APBA2: variants seen among roughly 807,000 people sequenced by gnomAD.
APBA2 encodes the protein amyloid beta precursor protein binding family A member 2.
In APBA2, 30 loss-of-function variants were observed where a neutral mutation model predicts 75.0. The ratio of observed to expected loss-of-function variants is 0.40; its 90% CI spans 0.30 to 0.54. The LOEUF is 0.54. APBA2 is among the 20% of genes least tolerant of loss of function. The probability of loss-of-function intolerance (pLI) is 0.49; values close to 1 mark genes in which losing one functional copy is unlikely to be tolerated. For synonymous variants in APBA2, 444 were observed against 409.6 expected, an observed-to-expected ratio of 1.08 and a Z score of -1.01; for missense variants, 801 against 1,016.1, an observed-to-expected ratio of 0.79 and a Z score of 2.88.
intron 13 of APBA2, chr15:29,108,718 G>T (rs564012994): frequency 2.1e-6 from 1 of 475,536 alleles, no homozygotes; most frequent in Non-Finnish European, 3.9e-6. Flanking sequence ...ACCAATTGTG[G>T]CATCACTTAC....
chr15:28,977,641 G>T (rs1045259836), intron 2 of APBA2, among the ~76,000 whole-genome samples: 1 of 152,130 alleles, frequency 6.6e-6, no homozygotes, highest in Non-Finnish European at 1.5e-5. Context: ...GTTCCTCTGG[G>T]TGACCTCTGT....
At chr15:29,093,832 C>T (rs1235841168) in intron 7 of APBA2, among the ~76,000 whole-genome samples, 2 of 152,200 alleles carry the variant, frequency 1.3e-5, no homozygotes. Flanking sequence ...CTCCCCAGCC[C>T]TCACCATACA....
chr15:28,984,954 C>T (rs1302127208), intron 2 of APBA2, among the ~76,000 whole-genome samples: 2 of 151,832 alleles, frequency 1.3e-5, no homozygotes, highest in African/African-American at 2.4e-5. Flanking sequence ...TCCCCCTCCG[C>T]CAACCACTGC....
chr15:28,898,103 C>A (rs1374170738), intron 1 of APBA2, among the ~76,000 whole-genome samples: 1 of 152,130 alleles, frequency 6.6e-6, no homozygotes, highest in Non-Finnish European at 1.5e-5. Context: ...AAAGGATTCT[C>A]CCCTGGTGCC....
At chr15:28,979,282 G>A (rs1026417594) in intron 2 of APBA2, among the ~76,000 whole-genome samples, 2 of 152,056 alleles carry the variant, frequency 1.3e-5, no homozygotes, top group Admixed American at 1.3e-4. Flanking sequence ...CCCTCAAGCC[G>A]TATTCCTCAG....
intron 2 of APBA2, among the ~76,000 whole-genome samples, chr15:28,944,510 C>A (rs889923518): frequency 6.6e-6 from 1 of 152,224 alleles, no homozygotes; most frequent in African/African-American, 2.4e-5. Context: ...GACCACCCTG[C>A]GGACTCGCTC....
chr15:28,976,235 A>G (rs1056819189), intron 2 of APBA2, among the ~76,000 whole-genome samples: 1 of 152,250 alleles, frequency 6.6e-6, no homozygotes, highest in Non-Finnish European at 1.5e-5. Context: ...TCTGAAGAGC[A>G]GCTTGGGGCT....
At chr15:29,017,028 C>T (rs1419478370) in intron 3 of APBA2, among the ~76,000 whole-genome samples, 1 of 152,148 alleles carries the variant, frequency 6.6e-6, no homozygotes, top group African/African-American at 2.4e-5. Flanking sequence ...TGATGACAGG[C>T]AGGCAGCGCT....
chr15:29,117,225 G>T lies in APBA2; in HGVS notation c.*92G>T. Reference sequence around the variant, plus strand: ...GCCGGGCCGCAGACTTGACCCCGACGCCACAGCCCAGCCACGGACGCTGGC... The same window carrying T: ...GCCGGGCCGCAGACTTGACCCCGACTCCACAGCCCAGCCACGGACGCTGGC... On this transcript the variant is annotated 3_prime_UTR_variant, in exon 15 of 15. Transcript: ENST00000683413. 1 of 1,238,782 alleles carries T rather than the reference G, an allele frequency of 8.1e-7. No homozygotes were observed. Among genetic ancestry groups the T allele is most frequent in the Non-Finnish European group, 1.2e-6 (1 of 845,374 alleles). 76.7% of individuals were successfully genotyped at this position (1,238,782 alleles called of 1,614,324 possible).
In APBA2 at chr15:28,980,221, A is replaced by G. The variant is rs565958049; in HGVS notation, c.-94-15532A>G. ...TGGTCATGTAAGATTTGAAAAAGTG[A>G]ACCTTCCTGAGCCAGAGCAATCAGG... On this transcript the variant is annotated intron_variant, in intron 2 of 14. Transcript: ENST00000683413. 2.0e-5 allele frequency among the ~76,000 whole-genome samples: 3 copies of G among 152,320 alleles called. No individual in the cohort carries two copies. In the South Asian group the frequency reaches 6.2e-4, roughly 32 times the overall value.
chr15:28,891,099 C>A (rs1465601170), intron 1 of APBA2, among the ~76,000 whole-genome samples: 1 of 152,198 alleles, frequency 6.6e-6, no homozygotes, highest in Non-Finnish European at 1.5e-5. Context: ...AACACTCCAA[C>A]ATTTGAAGAT....
At chr15:29,017,357 CTCTTT>C (rs1226208326) in intron 3 of APBA2, among the ~76,000 whole-genome samples, 1 of 148,868 alleles carries the variant, frequency 6.7e-6, no homozygotes. Flanking sequence ...TTTGAAGTCT[CTCTTT>C]TCTTTCATAT....
intron 2 of APBA2, among the ~76,000 whole-genome samples, chr15:28,977,895 C>T (rs942287420): frequency 5.9e-5 from 9 of 152,130 alleles, no homozygotes; most frequent in South Asian, 2.1e-4. Flanking sequence ...TACCTATCTG[C>T]GCCCATCCTC....
intron 2 of APBA2, among the ~76,000 whole-genome samples, chr15:28,961,111 G>A (rs543866350): frequency 1.3e-5 from 2 of 152,214 alleles, no homozygotes; most frequent in Admixed American, 6.5e-5. Flanking sequence ...GAGTCACACC[G>A]GGAAGTGATT....
intron 4 of APBA2, among the ~76,000 whole-genome samples, chr15:29,069,795 T>C (rs895467502): frequency 2.0e-5 from 3 of 152,256 alleles, no homozygotes; most frequent in Admixed American, 2.0e-4. Context: ...GGCCTGGCCA[T>C]GTGGGCCCAC....
intron 2 of APBA2, among the ~76,000 whole-genome samples, chr15:28,971,203 T>C (rs151162107): frequency 2.5e-4 from 38 of 152,316 alleles, no homozygotes; most frequent in African/African-American, 8.9e-4. Flanking sequence ...TTCTATTTCT[T>C]TTCTGTCTGT....
In APBA2 at chr15:29,054,932, G is replaced by C. The variant is rs1413552131; in HGVS notation, c.951+97G>C. On this transcript the variant is annotated intron_variant, in intron 4 of 14. Transcript: ENST00000683413. The surrounding 1 kb of genome is among the most constrained non-coding windows in gnomAD (Gnocchi z 6.1). ...GCAGATGCTGAAGCGAGGCGGTGGG[G>C]GGTGCTGGGTGCCTCACAGTTCTAA... 5.9e-6 allele frequency: 7 copies of C among 1,182,752 alleles called. No homozygotes were observed. Among genetic ancestry groups the C allele is most frequent in the Non-Finnish European group, 8.5e-6 (7 of 827,892 alleles). The allele number at this position is 1,182,752 out of a possible 1,614,324, so 73.3% of individuals were successfully genotyped here.
At position 29,053,987 on chromosome 15, in the gene APBA2, G is replaced by A; in HGVS notation, c.103G>A (p.Glu35Lys). The change falls in exon 4 of 15, where the codon GAG becomes AAG. Residue 35 changes from glutamate to lysine, a missense_variant. Around this residue, in one of 2 missense-constraint regions of APBA2, gnomAD observed 434 missense variants for 471.6 expected, o/e 0.92. Transcript: ENST00000683413. Reference protein sequence around the residue: ...HSQEPESEDMELPLEGYVPEG... With the variant: ...HSQEPESEDMKLPLEGYVPEG... ...CCAGGAGCCCGAGAGCGAGGACATG[G>A]AGCTGCCCTTGGAGGGCTATGTGCC... 3 of 1,614,040 alleles carry A rather than the reference G, an allele frequency of 1.9e-6. No homozygotes were observed. The highest frequency in any genetic ancestry group is 2.5e-6 in the Non-Finnish European group (3 of 1,180,004).
intron 2 of APBA2, among the ~76,000 whole-genome samples, chr15:28,975,120 G>A (rs7179243): frequency 0.34 from 51,707 of 152,016 alleles, 15,516 homozygotes; most frequent in African/African-American, 0.79. Context: ...TGCTTTGCAA[G>A]TAAGTGTGAA....
Sources: gnomAD v4.1 joint callset for allele counts (sites outside exome capture counted in the v4.1 genomes callset) on GRCh38, gnomAD v4.1.1 for gene constraint, gnomAD v4.1.1 regional missense constraint, Gnocchi (gnomAD v3.1) non-coding constraint, MANE v1.5 for transcripts, NCBI Gene and HGNC (gene_info 2026-07-23, HGNC 2026-07-21) for gene names.